SLC4A4: variants seen among roughly 807,000 people sequenced by gnomAD.
SLC4A4 encodes the protein solute carrier family 4 member 4, also known as electrogenic sodium bicarbonate cotransporter 1.
In SLC4A4, 27 loss-of-function variants were observed where a neutral mutation model predicts 111.5. That is an observed-to-expected ratio of 0.24 (90% CI 0.18 to 0.33). The LOEUF (loss-of-function observed/expected upper bound fraction) is 0.33. SLC4A4 is among the 10% of genes least tolerant of loss of function. The probability of loss-of-function intolerance (pLI) is 1.00; values close to 1 mark genes in which losing one functional copy is unlikely to be tolerated. For synonymous variants in SLC4A4, 443 were observed against 463.4 expected, an observed-to-expected ratio of 0.96 and a Z score of 0.57; for missense variants, 909 against 1,315.5, an observed-to-expected ratio of 0.69 and a Z score of 4.78.
chr4:71,419,082 T>A (rs1425103698), intron 7 of SLC4A4, among the ~76,000 whole-genome samples: 1 of 152,188 alleles, frequency 6.6e-6, no homozygotes, highest in Non-Finnish European at 1.5e-5. Context: ...CCCGGCCGTG[T>A]GAAGTGTCAG....
intron 2 of SLC4A4, among the ~76,000 whole-genome samples, chr4:71,169,594 T>C (rs60344976): frequency 0.065 from 9,827 of 152,280 alleles, 313 homozygotes; most frequent in East Asian, 0.091. Flanking sequence ...TTATATATTC[T>C]GGTTATTAAT....
At chr4:71,202,672 C>T (rs1245511085) in intron 1 of SLC4A4, among the ~76,000 whole-genome samples, 2 of 152,032 alleles carry the variant, frequency 1.3e-5, no homozygotes, top group African/African-American at 4.8e-5. Context: ...CCATTTTCCT[C>T]CCCAGTTTTA....
Position 71,359,049 on chromosome 4 carries a change from G to A in SLC4A4, c.730+1862G>A, listed in dbSNP as rs940423180. 2.6e-5 allele frequency among the ~76,000 whole-genome samples: 4 copies of A among 152,212 alleles called. No individual in the cohort carries two copies. The East Asian group carries it at 7.7e-4, about 29-fold the overall frequency. On this transcript the variant is annotated intron_variant, in intron 6 of 25. Coordinates refer to ENST00000264485, the MANE Select transcript of SLC4A4 (RefSeq NM_001098484.3). ...CATGCAGGAGGCTTTCTACCAATAT[G>A]ATGAGCTTCATTTCCATGGAACTGC...
chr4:71,248,939 T>C (rs1347040838), intron 2 of SLC4A4, among the ~76,000 whole-genome samples: 1 of 152,220 alleles, frequency 6.6e-6, no homozygotes, highest in South Asian at 2.1e-4. Context: ...CTAACAATCA[T>C]AAGCTTGTGT....
At position 71,569,885 on chromosome 4, in the gene SLC4A4, G is replaced by A. The variant is rs1372668461; in HGVS notation, c.*2134G>A. 4 of 151,514 alleles carry A rather than the reference G, an allele frequency of 2.6e-5. No homozygotes were observed. The highest frequency in any genetic ancestry group is 5.9e-5 in the Non-Finnish European group (4 of 67,756). The allele number at this position is 151,514 out of a possible 1,614,324, so 9.4% of individuals were successfully genotyped here. On this transcript the variant is annotated 3_prime_UTR_variant, in exon 26 of 26. Coordinates refer to ENST00000264485, the MANE Select transcript of SLC4A4 (RefSeq NM_001098484.3). ...CCAATTTTTTCATTAAAATAATAGT[G>A]GTGAATTATATGTTATTGTGTTAAA...
intron 2 of SLC4A4, among the ~76,000 whole-genome samples, chr4:71,130,281 G>A (rs528532898): frequency 2.0e-5 from 3 of 151,970 alleles, no homozygotes; most frequent in African/African-American, 7.2e-5. Flanking sequence ...TTGGGTGGGG[G>A]TGCAGTAGCA....
chr4:71,439,224 C>G (rs1014932696), intron 7 of SLC4A4, among the ~76,000 whole-genome samples: 2 of 151,148 alleles, frequency 1.3e-5, no homozygotes, highest in African/African-American at 4.9e-5. Flanking sequence ...GTCAGGAGTT[C>G]GAGACCAGCC....
chr4:71,078,174 C>G (rs1237080974), intron 1 of SLC4A4, among the ~76,000 whole-genome samples: 3 of 152,120 alleles, frequency 2.0e-5, no homozygotes, highest in Non-Finnish European at 4.4e-5. Context: ...ATTGTGGGCC[C>G]TCAAAATGCA....
chr4:71,105,924 G>T (rs1163673134), intron 2 of SLC4A4, among the ~76,000 whole-genome samples: 1 of 146,846 alleles, frequency 6.8e-6, no homozygotes, highest in Non-Finnish European at 1.5e-5. Context: ...AGACAAATGG[G>T]ATCTAATTAA....
rs116434827 is a variant in SLC4A4, at chr4:71,458,366, T to C, written c.1497+4697T>C. Among the ~76,000 whole-genome samples the C allele has an allele frequency of 8.8e-3, 1,342 of 152,228 alleles. 12 individuals carry two copies. The highest frequency in any genetic ancestry group is 0.052 in the South Asian group (251 of 4,820). On this transcript the variant is annotated intron_variant, in intron 12 of 25. Coordinates refer to ENST00000264485, the MANE Select transcript of SLC4A4 (RefSeq NM_001098484.3). ...TAAAAAATTGTTCCTTTTAGTGTTA[T>C]GAGATACAGAAAAGTATTTTAATTT...
chr4:71,439,284 C>T (rs1050613082), intron 7 of SLC4A4, among the ~76,000 whole-genome samples: 32 of 151,158 alleles, frequency 2.1e-4, no homozygotes, highest in African/African-American at 7.8e-4. Context: ...AAAAATTACC[C>T]AGGCATGGTG....
At chr4:71,529,783 A>G (rs1323630311) in intron 16 of SLC4A4, among the ~76,000 whole-genome samples, 6 of 152,164 alleles carry the variant, frequency 3.9e-5, no homozygotes, top group African/African-American at 1.4e-4. Flanking sequence ...CTTCTTTCGA[A>G]CAACTTATAG....
intron 1 of SLC4A4, among the ~76,000 whole-genome samples, chr4:71,088,540 T>C (rs1369062027): frequency 6.6e-5 from 10 of 152,070 alleles, no homozygotes; most frequent in Admixed American, 6.5e-4. Flanking sequence ...CAGTGGCTGG[T>C]ACCAGTTGTT....
intron 2 of SLC4A4, among the ~76,000 whole-genome samples, chr4:71,252,678 G>A (rs1264524981): frequency 1.3e-5 from 2 of 152,140 alleles, no homozygotes; most frequent in African/African-American, 4.8e-5. Flanking sequence ...ACTAGAGAAT[G>A]GTAGCTTCGC....
At chr4:71,214,098 A>T (rs1578606850) in intron 1 of SLC4A4, among the ~76,000 whole-genome samples, 1 of 152,106 alleles carries the variant, frequency 6.6e-6, no homozygotes, top group East Asian at 1.9e-4. Flanking sequence ...AGGTACCCAG[A>T]TGTACTGGGG....
chr4:71,182,387 A>G (rs1265704247), upstream of SLC4A4, among the ~76,000 whole-genome samples: 1 of 152,186 alleles, frequency 6.6e-6, no homozygotes, highest in Non-Finnish European at 1.5e-5. Flanking sequence ...TACTAGCAAC[A>G]TCAACTGTTT....
chr4:71,208,424 C>T (rs1415528218), intron 1 of SLC4A4, among the ~76,000 whole-genome samples: 4 of 134,278 alleles, frequency 3.0e-5, no homozygotes, highest in African/African-American at 6.4e-5. Context: ...GGGTGAGACT[C>T]CGTCTCAAAA....
chr4:71,286,200 A>G (rs184008987), intron 3 of SLC4A4, among the ~76,000 whole-genome samples: 1 of 152,282 alleles, frequency 6.6e-6, no homozygotes, highest in Admixed American at 6.5e-5. Flanking sequence ...AGATCGCGCC[A>G]CTGCACTCCA....
intron 20 of SLC4A4, among the ~76,000 whole-genome samples, chr4:71,549,721 G>A (rs865902319): frequency 6.6e-6 from 1 of 151,670 alleles, no homozygotes; most frequent in African/African-American, 2.4e-5. Context: ...TGATTCCAAG[G>A]GGACACAGAG....
Sources: allele counts gnomAD v4.1 joint callset (sites outside exome capture counted in the v4.1 genomes callset), GRCh38; gene constraint gnomAD v4.1.1; transcripts MANE v1.5; gene names NCBI Gene and HGNC (gene_info 2026-07-23, HGNC 2026-07-21).